Variants in DNAH2 observed in about 807,000 individuals in gnomAD.
DNAH2 encodes axonemal beta dynein heavy chain 2.
In DNAH2, 323 loss-of-function variants were observed where a neutral mutation model predicts 523.5. That is an observed-to-expected ratio of 0.62 (90% CI 0.56 to 0.68). DNAH2 has a LOEUF of 0.68. DNAH2 is among the 30% of genes least tolerant of loss of function. The pLI is 0.00. For synonymous variants in DNAH2, 2,093 were observed against 2,177.4 expected, an observed-to-expected ratio of 0.96 and a Z score of 1.08; for missense variants, 4,907 against 5,701.5, an observed-to-expected ratio of 0.86 and a Z score of 4.49.
intron 7 of DNAH2, 111 bp from the exon 8 acceptor site, chr17:7,736,956 C>T (rs559677815): frequency 1.4e-5 from 14 of 1,025,538 alleles, no homozygotes; most frequent in African/African-American, 6.5e-5. Context: ...CACTCCAGCC[C>T]GGGTGACAAG....
At chr17:7,740,091 A>C (rs1300346570) in intron 9 of DNAH2, among the ~76,000 whole-genome samples, 153 bp downstream of exon 9, 1 of 44,972 alleles carries the variant, frequency 2.2e-5, no homozygotes, top group Non-Finnish European at 4.2e-5. Context: ...GAGAGAGTGC[A>C]GGGGAGGGGG....
In DNAH2 at chr17:7,780,815, TCCACTGTCACTGGA is replaced by T; in HGVS notation, c.6003+36_6003+49del. Reference sequence around the variant, plus strand: ...AAGGACACAGCCTTTGGACCTGACTTCCACTGTCACTGGACCTATGTCACTTCTCTCAAGTCTTT... The same window carrying T: ...AAGGACACAGCCTTTGGACCTGACTTCCTATGTCACTTCTCTCAAGTCTTT... On this transcript the variant is annotated intron_variant, in intron 38 of 85. Transcript: ENST00000572933. This position sits in a 1 kb window ranked among gnomAD's most constrained non-coding sequence, Gnocchi z 4.4. 1 of 1,613,636 alleles carries T rather than the reference TCCACTGTCACTGGA, an allele frequency of 6.2e-7. No homozygotes were observed. Among genetic ancestry groups the T allele is most frequent in the East Asian group, 2.2e-5 (1 of 44,882 alleles).
chr17:7,817,867 G>A lies in DNAH2; in HGVS notation c.10236+11G>A, dbSNP rs1314537059. The A allele has an allele frequency of 7.4e-6, 12 of 1,611,102 alleles. No homozygotes were observed. The South Asian group carries it at 1.3e-4, about 18-fold the overall frequency. ...ATGGAAGGAGGCCAGGTGTGAGGCTGGGGGGTCAGGTTAGCCCCCCCCTTC... is the reference window on the plus strand; with the variant it reads ...ATGGAAGGAGGCCAGGTGTGAGGCTAGGGGGTCAGGTTAGCCCCCCCCTTC... On this transcript the variant is annotated intron_variant, in intron 67 of 85. Transcript: ENST00000572933.
At chr17:7,808,744 G>C (rs149928444) in intron 63 of DNAH2, among the ~76,000 whole-genome samples, 590 of 151,614 alleles carry the variant, frequency 3.9e-3, no homozygotes, top group Middle Eastern at 0.014. Context: ...TGAGTAGCTG[G>C]GACTACAGGT....
At chr17:7,799,011 G>A (rs1567719656) in intron 55 of DNAH2, 92 bp from the exon 56 acceptor site, 8 of 1,524,872 alleles carry the variant, frequency 5.2e-6, no homozygotes, top group Non-Finnish European at 7.1e-6. Context: ...GTCCAGCCTG[G>A]GAAACACTTC....
At position 7,786,971 on chromosome 17, in the gene DNAH2, G is replaced by A. The variant is rs147226714; in HGVS notation, c.6541G>A (p.Val2181Ile). Residue 2181 changes from valine to isoleucine, a missense_variant, in exon 42 of 86, where the codon GTC becomes ATC. Val to Ile is a conservative substitution (Grantham distance 29, BLOSUM62 3). Around this residue, in one of 3 missense-constraint regions of DNAH2, gnomAD observed 2,806 missense variants for 3,190.8 expected, o/e 0.88. Coordinates refer to ENST00000572933, the MANE Select transcript of DNAH2 (RefSeq NM_020877.5). This position sits in a 1 kb window ranked among gnomAD's most constrained non-coding sequence, Gnocchi z 7.5. ...ACTGTGGATCGAGAACATGAACTCCGTCATGGACGATAACAAGGTGTTGAC... is the reference window on the plus strand; with the variant it reads ...ACTGTGGATCGAGAACATGAACTCCATCATGGACGATAACAAGGTGTTGAC... Reference protein sequence around the residue: ...DTLWIENMNSVMDDNKVLTLI... With the variant: ...DTLWIENMNSIMDDNKVLTLI... The A allele has an allele frequency of 4.0e-5, 64 of 1,614,258 alleles. No homozygotes were observed. The highest frequency in any genetic ancestry group is 1.3e-4 in the African/African-American group (10 of 75,076).
In DNAH2 at chr17:7,831,799, C is replaced by T. The variant is rs752497400; in HGVS notation, c.12726+24C>T. The T allele has an allele frequency of 1.0e-5, 16 of 1,590,040 alleles. No individual in the cohort carries two copies. Among genetic ancestry groups the T allele is most frequent in the Non-Finnish European group, 1.3e-5 (15 of 1,160,124 alleles). The stretch of plus-strand genomic sequence containing the variant: ...AGGCAAGATTATACCATTGTTGATC[C>T]TTCTCCAACAATGAGCTCCCCTCTC... On this transcript the variant is annotated intron_variant, in intron 82 of 85. Transcript: ENST00000572933. The surrounding 1 kb of genome is among the most constrained non-coding windows in gnomAD (Gnocchi z 4.2).
rs758048818 is a variant in DNAH2, at chr17:7,819,074, G to A, written c.10815+11G>A. 2.4e-5 allele frequency: 38 copies of A among 1,600,972 alleles called. No individual in the cohort carries two copies. The highest frequency in any genetic ancestry group is 6.6e-5 in the South Asian group (6 of 90,638). Reference sequence around the variant, plus strand: ...GACTTGGCGCGGGAGGTAAGCTCCCGGCCCTCCAGTCCTGCCTCCCACCAG... The same window carrying A: ...GACTTGGCGCGGGAGGTAAGCTCCCAGCCCTCCAGTCCTGCCTCCCACCAG... On this transcript the variant is annotated intron_variant, in intron 71 of 85. Coordinates refer to ENST00000572933, the MANE Select transcript of DNAH2 (RefSeq NM_020877.5).
intron 12 of DNAH2, among the ~76,000 whole-genome samples, chr17:7,749,313 A>AAAAAAAAAAAAAAAAAAGAAAG (rs2075611572): frequency 1.3e-5 from 1 of 79,198 alleles, no homozygotes; most frequent in African/African-American, 1.6e-4. Flanking sequence ...CCCCCCAAAA[A>AAAAAAAAAAAAAAAAAAGAAAG]AAAAAAAAAA....
At chr17:7,793,301 C>A in intron 48 of DNAH2, 96 bp downstream of exon 48, 1 of 1,273,878 alleles carries the variant, frequency 7.9e-7, no homozygotes, top group Non-Finnish European at 1.1e-6. Flanking sequence ...GTCCTGTCAT[C>A]TTGGATTCCT....
At chr17:7,732,980 G>C in intron 4 of DNAH2, 107 bp from the exon 5 acceptor site, 1 of 1,061,628 alleles carries the variant, frequency 9.4e-7, no homozygotes, top group Non-Finnish European at 1.4e-6. Context: ...TTTAGAGAAG[G>C]ATCAGGATAC....
At chr17:7,797,101 CAAAA>C (rs75682576) in intron 50 of DNAH2, 71 bp from the exon 51 acceptor site, 1,967 of 873,216 alleles carry the variant, frequency 2.3e-3, no homozygotes, top group Middle Eastern at 3.9e-3. Flanking sequence ...GACTCTGTCC[CAAAA>C]AAAAAAAAAA....
chr17:7,831,480 C>G lies in DNAH2; in HGVS notation c.12550C>G (p.Pro4184Ala), dbSNP rs2078173124. 1.2e-6 allele frequency: 2 copies of G among 1,614,156 alleles called. No homozygotes were observed. Among genetic ancestry groups the G allele is most frequent in the Admixed American group, 3.3e-5 (2 of 60,026 alleles). Residue 4184 changes from proline (P) to alanine (A), a missense_variant, in exon 81 of 86, where the codon CCC becomes GCC. Physicochemically the swap from Pro to Ala is conservative, Grantham distance 27. Transcript: ENST00000572933. The surrounding 1 kb of genome is among the most constrained non-coding windows in gnomAD (Gnocchi z 4.2). ...TQKLLALDPS[P>A]LNVVLLQEIQ... The stretch of plus-strand genomic sequence containing the variant: ...AAAACTGCTAGCTCTCGACCCCTCC[C>G]CCCTCAATGTGGTCCTTCTGCAGGA...
intron 12 of DNAH2, among the ~76,000 whole-genome samples, chr17:7,750,698 G>T (rs1019509693): frequency 6.6e-6 from 1 of 152,060 alleles, no homozygotes; most frequent in African/African-American, 2.4e-5. Flanking sequence ...CTTTCAAGAG[G>T]CTTACTCACT....
rs764810326 is a variant in DNAH2, at chr17:7,733,320, G to A, written c.628+5G>A. Reference sequence around the variant, plus strand: ...AGTTCTTGGCCTGCCTGACAGGTAAGTGGGAAGACCGGAGTGACTAGTTTC... The same window carrying A: ...AGTTCTTGGCCTGCCTGACAGGTAAATGGGAAGACCGGAGTGACTAGTTTC... On this transcript the variant is annotated splice_donor_5th_base_variant and intron_variant, in intron 5 of 85. Coordinates refer to ENST00000572933, the MANE Select transcript of DNAH2 (RefSeq NM_020877.5). 1 of 1,613,820 alleles carries A rather than the reference G, an allele frequency of 6.2e-7. No homozygotes were observed. Among genetic ancestry groups the A allele is most frequent in the Non-Finnish European group, 8.5e-7 (1 of 1,179,998 alleles).
Position 7,797,268 on chromosome 17 carries a change from T to C in DNAH2, c.7949+7T>C. 6.2e-7 allele frequency: 1 copy of C among 1,614,054 alleles called. No individual in the cohort carries two copies. Among genetic ancestry groups the C allele is most frequent in the Non-Finnish European group, 8.5e-7 (1 of 1,179,990 alleles). ...GGATCCATGAATGTTTCAGGTGACA[T>C]GCATGTGCCCTGGCCAAACGAAGGC... On this transcript the variant is annotated splice_region_variant and intron_variant, in intron 51 of 85. Transcript: ENST00000572933.
intron 12 of DNAH2, among the ~76,000 whole-genome samples, chr17:7,746,522 A>G (rs2075522667): frequency 6.6e-6 from 1 of 152,032 alleles, no homozygotes; most frequent in African/African-American, 2.4e-5. Context: ...AGAAAAAAAT[A>G]CTCCTAAGAA....
At chr17:7,800,845 C>T (rs532070813) in intron 56 of DNAH2, among the ~76,000 whole-genome samples, 82 of 142,550 alleles carry the variant, frequency 5.8e-4, no homozygotes, top group African/African-American at 2.0e-3. Flanking sequence ...CCAGCCTGGG[C>T]GAGAGTGAAA....
rs747109408 is a variant in DNAH2, at chr17:7,822,267, G to A, written c.11142+898G>A. On this transcript the variant is annotated intron_variant, in intron 73 of 85. Coordinates refer to ENST00000572933, the MANE Select transcript of DNAH2 (RefSeq NM_020877.5). ...ATTATAGGTGTGAGCCACTGTGCCC[G>A]GCCTGAGAGGTCCTTTTAAAGTGGA... Among the ~76,000 whole-genome samples the A allele has an allele frequency of 5.3e-5, 8 of 152,204 alleles. No individual in the cohort carries two copies. In the South Asian group the frequency reaches 6.2e-4, roughly 12 times the overall value.
Sources: allele counts gnomAD v4.1 joint callset (sites outside exome capture counted in the v4.1 genomes callset), GRCh38; gene constraint gnomAD v4.1.1; regional missense constraint gnomAD v4.1.1; non-coding constraint Gnocchi (gnomAD v3.1); transcripts MANE v1.5; gene names NCBI Gene and HGNC (gene_info 2026-07-23, HGNC 2026-07-21).